LRMDA: variants seen among roughly 807,000 people sequenced by gnomAD.
The protein encoded by LRMDA is leucine rich melanocyte differentiation associated.
In LRMDA, 18 loss-of-function variants were observed where a neutral mutation model predicts 29.8. The ratio of observed to expected loss-of-function variants is 0.60; its 90% confidence interval spans 0.42 to 0.90. LRMDA has a LOEUF of 0.90. Among genes scored for constraint, LRMDA ranks in the 40% least tolerant of loss-of-function variants. The pLI is 0.00. For synonymous variants in LRMDA, 125 were observed against 109.4 expected, an observed-to-expected ratio of 1.14 and a Z score of -0.89; for missense variants, 273 against 273.9, an observed-to-expected ratio of 1.00 and a Z score of 0.02.
At chr10:76,490,504 C>A (rs547396117) in intron 6 of LRMDA, among the ~76,000 whole-genome samples, 105 of 151,948 alleles carry the variant, frequency 6.9e-4, no homozygotes, top group Non-Finnish European at 1.3e-3. Flanking sequence ...TATTCTCTTG[C>A]TGAATTGACC....
At chr10:75,610,984 G>A (rs139497131) in intron 2 of LRMDA, among the ~76,000 whole-genome samples, 1 of 152,230 alleles carries the variant, frequency 6.6e-6, no homozygotes, top group East Asian at 1.9e-4. Context: ...AGGGGAGGTG[G>A]ACTTGGGTGA....
chr10:76,011,392 G>A (rs939116786), intron 2 of LRMDA, among the ~76,000 whole-genome samples: 1 of 152,342 alleles, frequency 6.6e-6, no homozygotes, highest in East Asian at 1.9e-4. Context: ...GCCAGGATGA[G>A]GGGTGTGGGA....
Position 75,885,218 on chromosome 10 carries a change from C to T in LRMDA, c.132-150790C>T, listed in dbSNP as rs546721592. Among the ~76,000 whole-genome samples, 4 of 152,328 alleles carry T rather than the reference C, an allele frequency of 2.6e-5. No individual in the cohort carries two copies. In the East Asian group the frequency reaches 7.7e-4, roughly 29 times the overall value. Reference sequence around the variant, plus strand: ...TCACCCTGCAATGCTGCCGCCACATCCTGTTGCTCTCTGTTTGTTTGATTG... The same window carrying T: ...TCACCCTGCAATGCTGCCGCCACATTCTGTTGCTCTCTGTTTGTTTGATTG... On this transcript the variant is annotated intron_variant, in intron 2 of 6. Transcript: ENST00000611255.
intron 1 of LRMDA, among the ~76,000 whole-genome samples, chr10:75,433,815 A>C (rs1844233728): frequency 6.6e-6 from 1 of 152,154 alleles, no homozygotes; most frequent in African/African-American, 2.4e-5. Context: ...TAAATCCCAA[A>C]TAAAGGGATG....
At chr10:75,735,721 T>A (rs1842753749) in intron 2 of LRMDA, among the ~76,000 whole-genome samples, 1 of 152,178 alleles carries the variant, frequency 6.6e-6, no homozygotes, top group Non-Finnish European at 1.5e-5. Context: ...TGGGTTTGTG[T>A]GACACTGTTA....
intron 2 of LRMDA, among the ~76,000 whole-genome samples, chr10:75,992,762 T>C (rs1177920382): frequency 6.6e-6 from 1 of 152,090 alleles, no homozygotes; most frequent in African/African-American, 2.4e-5. Context: ...CTGGCTTGCA[T>C]TGAGCCTGTT....
At chr10:76,465,030 A>G (rs552641590) in intron 6 of LRMDA, 2 of 152,274 alleles carry the variant, frequency 1.3e-5, no homozygotes, top group South Asian at 4.1e-4. Flanking sequence ...TTATAGACAT[A>G]ACTGCTTCTC....
At chr10:75,857,998 G>A (rs1844856461) in intron 2 of LRMDA, among the ~76,000 whole-genome samples, 1 of 152,218 alleles carries the variant, frequency 6.6e-6, no homozygotes. Flanking sequence ...AGAGAAAAAG[G>A]ATTTATTTTT....
chr10:76,485,545 A>G (rs1029227102), intron 6 of LRMDA, among the ~76,000 whole-genome samples: 1 of 151,930 alleles, frequency 6.6e-6, no homozygotes, highest in Admixed American at 6.6e-5. Context: ...TTTTAGATCA[A>G]TTAAAATTTT....
chr10:75,933,214 G>A (rs1266055497), intron 2 of LRMDA, among the ~76,000 whole-genome samples: 1 of 152,084 alleles, frequency 6.6e-6, no homozygotes, highest in East Asian at 1.9e-4. Flanking sequence ...CAGGCTAAAA[G>A]GATAGGCTAC....
chr10:76,005,626 T>C (rs567607214), intron 2 of LRMDA, among the ~76,000 whole-genome samples: 1 of 147,202 alleles, frequency 6.8e-6, no homozygotes, highest in Admixed American at 6.8e-5. Flanking sequence ...AATAAGTAAA[T>C]ACCTAAAAAA....
chr10:76,502,319 C>T (rs1564559711), intron 6 of LRMDA, among the ~76,000 whole-genome samples: 1 of 151,854 alleles, frequency 6.6e-6, no homozygotes, highest in Non-Finnish European at 1.5e-5. Context: ...GTTCTTTTTG[C>T]TTAGGATTGT....
At chr10:75,488,029 C>A (rs960414914) in intron 2 of LRMDA, among the ~76,000 whole-genome samples, 1 of 152,126 alleles carries the variant, frequency 6.6e-6, no homozygotes, top group Admixed American at 6.5e-5. Context: ...TGGTTTGATG[C>A]CACTCTGGAC....
At chr10:76,534,010 G>A (rs973952787) in intron 6 of LRMDA, among the ~76,000 whole-genome samples, 1 of 152,136 alleles carries the variant, frequency 6.6e-6, no homozygotes, top group Non-Finnish European at 1.5e-5. Context: ...ATTGACCTAT[G>A]AATACGTACT....
At chr10:76,123,756 G>C (rs921452944) in intron 5 of LRMDA, among the ~76,000 whole-genome samples, 2 of 152,204 alleles carry the variant, frequency 1.3e-5, no homozygotes, top group Admixed American at 1.3e-4. Flanking sequence ...AGAAACTGGT[G>C]CTCATTAAGG....
Position 75,603,009 on chromosome 10 carries a change from C to T in LRMDA, c.131+164515C>T, listed in dbSNP as rs184210325. On this transcript the variant is annotated intron_variant, in intron 2 of 6. Transcript: ENST00000611255. ...GACCCTCAATGTGAGAGAACCTGTCCGCCCTGCTATTTCAAATGTATTGAA... is the reference window on the plus strand; with the variant it reads ...GACCCTCAATGTGAGAGAACCTGTCTGCCCTGCTATTTCAAATGTATTGAA... Among the ~76,000 whole-genome samples, 5 of 152,204 alleles carry T rather than the reference C, an allele frequency of 3.3e-5. No homozygotes were observed. The South Asian group carries it at 6.2e-4, about 19-fold the overall frequency.
Position 76,104,682 on chromosome 10 carries a change from C to T in LRMDA, c.516+45899C>T, listed in dbSNP as rs1313777505. Among the ~76,000 whole-genome samples the T allele has an allele frequency of 1.1e-4, 16 of 152,144 alleles. No individual in the cohort carries two copies. In the East Asian group the frequency reaches 3.1e-3, roughly 29 times the overall value. On this transcript the variant is annotated intron_variant, in intron 5 of 6. Transcript: ENST00000611255. ...GTAAAGAATTTGTTCTTTTAAAATC[C>T]CAGGTGAATATGCCTTCTCTTTCTT...
intron 6 of LRMDA, among the ~76,000 whole-genome samples, chr10:76,531,792 G>T (rs1843236809): frequency 6.6e-6 from 1 of 152,066 alleles, no homozygotes; most frequent in African/African-American, 2.4e-5. Flanking sequence ...TCAGTGTAAT[G>T]CTGGTTTCAT....
At position 75,881,971 on chromosome 10, in the gene LRMDA, A is replaced by G. The variant is rs1407101265; in HGVS notation, c.132-154037A>G. ...TGGTGTTGTGGTGGGACCTTGTTTGACCGATGGAGGTCTGGATTTTCCTGA... is the reference window on the plus strand; with the variant it reads ...TGGTGTTGTGGTGGGACCTTGTTTGGCCGATGGAGGTCTGGATTTTCCTGA... On this transcript the variant is annotated intron_variant, in intron 2 of 6. Transcript: ENST00000611255. Among the ~76,000 whole-genome samples, 4 of 152,158 alleles carry G rather than the reference A, an allele frequency of 2.6e-5. No homozygotes were observed. The East Asian group carries it at 7.7e-4, about 29-fold the overall frequency.
Sources: gnomAD v4.1 joint callset for allele counts (sites outside exome capture counted in the v4.1 genomes callset) on GRCh38, gnomAD v4.1.1 for gene constraint, MANE v1.5 for transcripts, NCBI Gene and HGNC (gene_info 2026-07-23, HGNC 2026-07-21) for gene names.